MAD1L1: variants seen among roughly 807,000 people sequenced by gnomAD.
MAD1L1 encodes the protein mitotic arrest deficient 1 like 1.
A neutral mutation model predicts 96.9 loss-of-function variants in MAD1L1; 95 were observed. The ratio of observed to expected loss-of-function variants is 0.98; its 90% confidence interval spans 0.83 to 1.16. The LOEUF is 1.16. Ranked by LOEUF, MAD1L1 falls within the 50% of genes most tolerant of loss-of-function variation. The pLI, the probability that MAD1L1 is intolerant of heterozygous loss-of-function variation, is 0.00. For synonymous variants in MAD1L1, 473 were observed against 396.6 expected (o/e 1.19, Z -2.29); for missense variants, 1,007 against 954.4 (o/e 1.06, Z -0.73).
chr7:2,007,810 G>A (rs1267523039), intron 13 of MAD1L1, among the ~76,000 whole-genome samples: 1 of 152,258 alleles, frequency 6.6e-6, no homozygotes, highest in Non-Finnish European at 1.5e-5. Flanking sequence ...TGGCAAGAAT[G>A]GGAAACCACC....
intron 18 of MAD1L1, among the ~76,000 whole-genome samples, chr7:1,843,565 T>C (rs1488812958): frequency 6.6e-6 from 1 of 152,212 alleles, no homozygotes; most frequent in Admixed American, 6.5e-5. Context: ...TAGTGTTCTT[T>C]ACTGCAATGC....
At chr7:1,918,841 G>A (rs1296986034) in intron 17 of MAD1L1, among the ~76,000 whole-genome samples, 3 of 152,146 alleles carry the variant, frequency 2.0e-5, no homozygotes, top group African/African-American at 7.2e-5. Context: ...CAGGGCGACT[G>A]GTGCTGTGGC....
chr7:2,152,269 C>A (rs1344796438), intron 10 of MAD1L1, among the ~76,000 whole-genome samples: 1 of 152,234 alleles, frequency 6.6e-6, no homozygotes, highest in East Asian at 1.9e-4. Context: ...ACCAGGCCCC[C>A]ATCATAGGGA....
At chr7:2,027,556 C>G (rs1783043484) in intron 12 of MAD1L1, among the ~76,000 whole-genome samples, 1 of 152,110 alleles carries the variant, frequency 6.6e-6, no homozygotes, top group Non-Finnish European at 1.5e-5. Context: ...ATTTGAAAAT[C>G]AATTAATTTA....
At position 1,915,475 on chromosome 7, in the gene MAD1L1, G is replaced by A. The variant is rs549922505; in HGVS notation, c.1808-17085C>T. On this transcript the variant is annotated intron_variant, in intron 17 of 18. Coordinates refer to ENST00000265854, the MANE Select transcript of MAD1L1 (RefSeq NM_001013836.2). ...GGCAGAGGTGCTGAGGACGGTCAGG[G>A]GCAGCGAGGAACGCCACAGGAGGCC... 1.5e-3 allele frequency among the ~76,000 whole-genome samples: 221 copies of A among 152,280 alleles called. 1 individual carries two copies. The highest frequency in any genetic ancestry group is 5.1e-3 in the African/African-American group (214 of 41,558).
rs1020288882 is a variant in MAD1L1 at position 2,017,135 on chromosome 7, A to C, written c.1219-2493T>G. Among the ~76,000 whole-genome samples the C allele has an allele frequency of 4.6e-5, 7 of 152,208 alleles. No homozygotes were observed. The East Asian group carries it at 9.6e-4, about 21-fold the overall frequency. The stretch of plus-strand genomic sequence containing the variant: ...TACCCTTTCAAGAACCTGTTTTGTC[A>C]CCGGTAGTGAAACAGCAGGCACGGT... On this transcript the variant is annotated intron_variant, in intron 12 of 18. Coordinates refer to ENST00000265854, the MANE Select transcript of MAD1L1 (RefSeq NM_001013836.2).
At chr7:1,879,456 C>CA (rs58872674) in intron 18 of MAD1L1, among the ~76,000 whole-genome samples, 4,417 of 129,908 alleles carry the variant, frequency 0.034, 69 homozygotes, top group African/African-American at 0.047. Flanking sequence ...ACTTCATCTC[C>CA]AAAAAAAAAA....
At chr7:1,841,403 C>A (rs945088752) in intron 18 of MAD1L1, among the ~76,000 whole-genome samples, 1 of 152,200 alleles carries the variant, frequency 6.6e-6, no homozygotes, top group African/African-American at 2.4e-5. Flanking sequence ...CAGAAATTTG[C>A]TGTTTTATAC....
At chr7:2,111,369 G>C (rs932236915) in intron 11 of MAD1L1, among the ~76,000 whole-genome samples, 1 of 152,220 alleles carries the variant, frequency 6.6e-6, no homozygotes, top group African/African-American at 2.4e-5. Context: ...GAGCTTTCGA[G>C]ACCGTGGCTG....
At chr7:1,884,023 G>C (rs1446694969) in intron 18 of MAD1L1, among the ~76,000 whole-genome samples, 1 of 152,094 alleles carries the variant, frequency 6.6e-6, no homozygotes, top group Non-Finnish European at 1.5e-5. Context: ...GGACTCCCCA[G>C]CATCTGACCG....
chr7:2,156,162 C>A (rs112441056), intron 10 of MAD1L1, among the ~76,000 whole-genome samples: 1 of 144,046 alleles, frequency 6.9e-6, no homozygotes, highest in African/African-American at 2.6e-5. Context: ...GCGAGGGGAG[C>A]GGGCGCACGG....
chr7:1,837,779 C>T (rs1408060124), intron 18 of MAD1L1, among the ~76,000 whole-genome samples: 1 of 152,194 alleles, frequency 6.6e-6, no homozygotes, highest in East Asian at 1.9e-4. Flanking sequence ...TGCCTGGGGT[C>T]GGGTTGCAGT....
Position 2,232,886 on chromosome 7 carries a change from G to C in MAD1L1, c.-204C>G, listed in dbSNP as rs367832038. ...GGGCCGCTTACCTCAGCCGCTCGCA[G>C]CCAGCTTGCCGCCGCCGCTCGGATC... On this transcript the variant is annotated 5_prime_UTR_variant, in exon 1 of 19. Transcript: ENST00000265854. The C allele has an allele frequency of 6.6e-6, 1 of 152,274 alleles. No homozygotes were observed. The highest frequency in any genetic ancestry group is 2.4e-5 in the African/African-American group (1 of 41,462). The allele number at this position is 152,274 out of a possible 1,614,324, so 9.4% of individuals were successfully genotyped here.
chr7:1,954,817 G>A (rs977755074), intron 16 of MAD1L1, among the ~76,000 whole-genome samples: 4 of 152,190 alleles, frequency 2.6e-5, no homozygotes, highest in African/African-American at 9.7e-5. Flanking sequence ...TGGGTGCCCC[G>A]AGCTCTCCCA....
chr7:1,898,375 A>C lies in MAD1L1; in HGVS notation c.1823T>G (p.Val608Gly), dbSNP rs1583698339. The change falls in exon 18 of 19, where the codon GTG becomes GGG. Residue 608 changes from valine (V) to glycine (G), a missense_variant. Coordinates refer to ENST00000265854, the MANE Select transcript of MAD1L1 (RefSeq NM_001013836.2). The part of the protein sequence containing the change: ...SKEVAELKKQ[V>G]ESAELKNQRL... ...CTGGTTCTTCAGCTCGGCACTCTCC[A>C]CCTGCTTCTTCAGCTCTGCGGGAGG... is the stretch of plus-strand genomic sequence containing the variant. 6.2e-7 allele frequency: 1 copy of C among 1,613,656 alleles called. No homozygotes were observed. The highest frequency in any genetic ancestry group is 1.3e-5 in the African/African-American group (1 of 74,952).
rs183461253 is a variant in MAD1L1 at position 2,167,382 on chromosome 7, C to T, written c.987-18144G>A. On this transcript the variant is annotated intron_variant, in intron 10 of 18. Transcript: ENST00000265854. The stretch of plus-strand genomic sequence containing the variant: ...CTAACACGGTGAAACCCCGTCTCTA[C>T]TAAAAATACAAAAAAAATTAGCCGG... Among the ~76,000 whole-genome samples, 487 of 151,852 alleles carry T rather than the reference C, an allele frequency of 3.2e-3. 5 individuals carry two copies. Among genetic ancestry groups the T allele is most frequent in the African/African-American group, 0.011 (441 of 41,368 alleles).
In MAD1L1 at chr7:2,225,511, G is replaced by A; in HGVS notation, c.190C>T (p.Leu64Phe). 8 of 1,614,106 alleles carry A rather than the reference G, an allele frequency of 5.0e-6. No homozygotes were observed. Among genetic ancestry groups the A allele is most frequent in the Non-Finnish European group, 5.9e-6 (7 of 1,180,046 alleles). Residue 64 changes from leucine to phenylalanine, a missense_variant, in exon 4 of 19, where the codon CTC becomes TTC. Coordinates refer to ENST00000265854, the MANE Select transcript of MAD1L1 (RefSeq NM_001013836.2). ...RAEQIRSKSH[L>F]IQVEREKMQM... is the part of the protein sequence containing the mutation. ...ATTTTCTCCCGCTCCACCTGGATGAGGTGGGACTTCGAACGGATCTGCTCT... is the reference window on the plus strand; with the variant it reads ...ATTTTCTCCCGCTCCACCTGGATGAAGTGGGACTTCGAACGGATCTGCTCT...
chr7:2,025,274 A>C (rs1584115131), intron 12 of MAD1L1, among the ~76,000 whole-genome samples: 1 of 152,230 alleles, frequency 6.6e-6, no homozygotes. Flanking sequence ...GAGAACAATC[A>C]AAAGAGCTAG....
chr7:2,131,794 TCAGCAGGATGTGA>T (rs549836963), intron 11 of MAD1L1, among the ~76,000 whole-genome samples: 85 of 152,116 alleles, frequency 5.6e-4, no homozygotes, highest in Non-Finnish European at 1.1e-3. Context: ...GCTGGGAAGG[TCAGCAGGATGTGA>T]CAGCCATCGC....
Sources: allele counts gnomAD v4.1 joint callset (sites outside exome capture counted in the v4.1 genomes callset), GRCh38; gene constraint gnomAD v4.1.1; transcripts MANE v1.5; gene names NCBI Gene and HGNC (gene_info 2026-07-23, HGNC 2026-07-21).